Variants in FBXL20 observed in about 807,000 individuals in gnomAD.
FBXL20 encodes the protein F-box/LRR-repeat protein 20.
A neutral mutation model predicts 64.0 loss-of-function variants in FBXL20; 11 were observed. That is an observed-to-expected ratio of 0.17 (90% CI 0.11 to 0.28). FBXL20 has a LOEUF of 0.28. FBXL20 is among the 10% of genes least tolerant of loss of function. The probability of loss-of-function intolerance (pLI) is 1.00; values close to 1 mark genes in which losing one functional copy is unlikely to be tolerated. For synonymous variants in FBXL20, 184 were observed against 189.0 expected, an observed-to-expected ratio of 0.97 and a Z score of 0.22; for missense variants, 303 against 526.2, an observed-to-expected ratio of 0.58 and a Z score of 4.15.
At chr17:39,284,114 C>T (rs1033574011) in intron 7 of FBXL20, among the ~76,000 whole-genome samples, 6 of 152,168 alleles carry the variant, frequency 3.9e-5, no homozygotes, top group Non-Finnish European at 5.9e-5. Context: ...ATATCTTACT[C>T]GGTTACATCT....
intron 2 of FBXL20, among the ~76,000 whole-genome samples, chr17:39,307,441 T>C (rs563454359): frequency 3.9e-5 from 6 of 152,224 alleles, no homozygotes; most frequent in Non-Finnish European, 7.4e-5. Flanking sequence ...GACGAAATAG[T>C]GGGTGTATGA....
intron 6 of FBXL20, among the ~76,000 whole-genome samples, chr17:39,295,620 T>C (rs1252958548): frequency 2.0e-5 from 3 of 152,094 alleles, no homozygotes; most frequent in African/African-American, 4.8e-5. Flanking sequence ...TTGTTTGAAT[T>C]ATGTAAAATA....
rs1176096778 is a variant in FBXL20, at chr17:39,256,538, T to C, written c.*4922A>G. On this transcript the variant is annotated 3_prime_UTR_variant, in exon 15 of 15. Transcript: ENST00000264658. ...TTTGAGGTGGCTAAAGATTCTAGGA[T>C]TGGCAGGCAGATAGAGAGGCAATCT... 1 of 152,050 alleles carries C rather than the reference T, an allele frequency of 6.6e-6. No individual in the cohort carries two copies. The allele number at this position is 152,050 out of a possible 1,614,324, so 9.4% of individuals were successfully genotyped here. A position where few individuals can be genotyped will look rare whatever the true frequency, so the allele number is the denominator to read the frequency against.
At chr17:39,319,045 T>G (rs1323837598) in intron 2 of FBXL20, among the ~76,000 whole-genome samples, 1 of 151,836 alleles carries the variant, frequency 6.6e-6, no homozygotes, top group African/African-American at 2.4e-5. Flanking sequence ...GGTCAGGAGA[T>G]TGAGACCAGC....
At chr17:39,278,362 T>C (rs2046918249) in intron 9 of FBXL20, among the ~76,000 whole-genome samples, 1 of 152,050 alleles carries the variant, frequency 6.6e-6, no homozygotes, top group South Asian at 2.1e-4. Flanking sequence ...GCCAGGTTGG[T>C]CTCGAACTGC....
chr17:39,312,405 C>T (rs888215731), intron 2 of FBXL20, among the ~76,000 whole-genome samples: 1 of 150,178 alleles, frequency 6.7e-6, no homozygotes. Context: ...CAGACCTATA[C>T]TCCATCTCAA....
At chr17:39,300,940 A>T (rs1215042824) in intron 4 of FBXL20, 61 bp downstream of exon 4, 16 of 1,466,384 alleles carry the variant, frequency 1.1e-5, no homozygotes, top group African/African-American at 2.8e-5. Context: ...GGCTAGGGCT[A>T]ATCTGTTCCA....
At chr17:39,358,284 A>C (rs2144607891) in intron 1 of FBXL20, among the ~76,000 whole-genome samples, 1 of 152,264 alleles carries the variant, frequency 6.6e-6, no homozygotes, top group South Asian at 2.1e-4. Context: ...ATCTTTCTTT[A>C]CTCAGTCTAC....
intron 2 of FBXL20, among the ~76,000 whole-genome samples, chr17:39,335,739 C>T (rs1000337853): frequency 2.0e-5 from 3 of 152,124 alleles, no homozygotes; most frequent in African/African-American, 7.2e-5. Flanking sequence ...AGAGGGAGTA[C>T]TGTCAATCTT....
chr17:39,307,296 T>TA (rs11395284), intron 2 of FBXL20, among the ~76,000 whole-genome samples: 50,176 of 151,856 alleles, frequency 0.33, 10,099 homozygotes, highest in African/African-American at 0.56. Context: ...ATGAGTACTA[T>TA]AAAAAACATA....
Position 39,261,488 on chromosome 17 carries a change from C to G in FBXL20, c.1283G>C (p.Arg428Pro), listed in dbSNP as rs754689955. The G allele has an allele frequency of 2.5e-6, 4 of 1,613,890 alleles. No homozygotes were observed. In the South Asian group the frequency reaches 3.3e-5, roughly 13 times the overall value. Reference sequence around the variant, plus strand: ...TAGGATGATGCAGCATCTGCAGAAGCGCTGTCTGCTGCCCCCTACTGATGG... The same window carrying G: ...TAGGATGATGCAGCATCTGCAGAAGGGCTGTCTGCTGCCCCCTACTGATGG... The part of the protein sequence containing the change: ...PPPSVGGSRQ[R>P]FCRCCIIL Residue 428 changes from arginine to proline, a missense_variant, in exon 15 of 15, where the codon CGC becomes CCC. Coordinates refer to ENST00000264658, the MANE Select transcript of FBXL20 (RefSeq NM_032875.3).
intron 1 of FBXL20, among the ~76,000 whole-genome samples, chr17:39,358,210 A>AC (rs2144607722): frequency 6.6e-6 from 1 of 152,142 alleles, no homozygotes; most frequent in South Asian, 2.1e-4. Context: ...CCCTTCCTCC[A>AC]CCTTTTTGTT....
intron 1 of FBXL20, among the ~76,000 whole-genome samples, chr17:39,357,706 C>T (rs148437846): frequency 1.8e-4 from 27 of 152,314 alleles, no homozygotes; most frequent in Admixed American, 5.2e-4. Context: ...CCATGCCCAG[C>T]TGGCAAATGC....
chr17:39,296,831 A>G (rs1161322673), intron 6 of FBXL20, among the ~76,000 whole-genome samples: 1 of 152,184 alleles, frequency 6.6e-6, no homozygotes, highest in Non-Finnish European at 1.5e-5. Context: ...TTTAACTGGT[A>G]GCTACTAGTA....
intron 2 of FBXL20, among the ~76,000 whole-genome samples, chr17:39,326,995 C>G (rs1227227779): frequency 6.6e-6 from 1 of 151,946 alleles, no homozygotes. Context: ...ATTGTCCTGC[C>G]TCAGCCTCCC....
At chr17:39,388,673 G>A (rs1287243633) in intron 1 of FBXL20, among the ~76,000 whole-genome samples, 4 of 150,702 alleles carry the variant, frequency 2.7e-5, no homozygotes, top group Non-Finnish European at 5.9e-5. Flanking sequence ...TAATAGAGAC[G>A]GGGTTTCACC....
rs2046687257 is a variant in FBXL20, at chr17:39,255,513, A to G, written c.*5947T>C. The G allele has an allele frequency of 6.6e-6, 1 of 151,030 alleles. No individual in the cohort carries two copies. Among genetic ancestry groups the G allele is most frequent in the Non-Finnish European group, 1.5e-5 (1 of 67,870 alleles). 9.4% of individuals were successfully genotyped at this position (151,030 alleles called of 1,614,324 possible). On this transcript the variant is annotated 3_prime_UTR_variant, in exon 15 of 15. Coordinates refer to ENST00000264658, the MANE Select transcript of FBXL20 (RefSeq NM_032875.3). ...GCTGCAGAAGCCCATCATGCAAGAA[A>G]CTCACTTGCCTCTTATGGTACTTTC...
intron 6 of FBXL20, among the ~76,000 whole-genome samples, chr17:39,288,925 A>G (rs2047012581): frequency 6.6e-6 from 1 of 152,068 alleles, no homozygotes; most frequent in Non-Finnish European, 1.5e-5. Context: ...GGATGTTTTC[A>G]AACTCTTGAC....
At chr17:39,390,379 G>A (rs1355217471) in intron 1 of FBXL20, among the ~76,000 whole-genome samples, 1 of 151,922 alleles carries the variant, frequency 6.6e-6, no homozygotes, top group African/African-American at 2.4e-5. Flanking sequence ...TGACCAACAT[G>A]GTGAAACCCC....
Sources: allele counts gnomAD v4.1 joint callset (sites outside exome capture counted in the v4.1 genomes callset), GRCh38; gene constraint gnomAD v4.1.1; transcripts MANE v1.5; gene names NCBI Gene and HGNC (gene_info 2026-07-23, HGNC 2026-07-21).